HDAC8: variants seen among roughly 807,000 people sequenced by gnomAD.
The protein encoded by HDAC8 is histone deacetylase 8, also known as histone deacetylase-like 1.
In HDAC8, 1 loss-of-function variant was observed where a neutral mutation model predicts 32.2. That is an observed-to-expected ratio of 0.03 (90% confidence interval 0.01 to 0.15). The LOEUF is 0.15. Among genes scored for constraint, HDAC8 ranks in the 10% least tolerant of loss-of-function variants. The pLI is 1.00. For synonymous variants in HDAC8, 108 were observed against 113.9 expected (o/e 0.95, Z 0.33); for missense variants, 117 against 300.0 (o/e 0.39, Z 4.51).
intron 9 of HDAC8, among the ~76,000 whole-genome samples, chrX:72,458,075 C>T (rs1282773296): frequency 8.9e-6 from 1 of 111,965 alleles, no homozygotes; most frequent in African/African-American, 3.2e-5. Flanking sequence ...GACTATAGAA[C>T]ATTTTTATAC....
intron 4 of HDAC8, among the ~76,000 whole-genome samples, chrX:72,499,852 T>G (rs993987239): frequency 1.8e-5 from 2 of 111,482 alleles, no homozygotes; most frequent in Non-Finnish European, 3.8e-5. Flanking sequence ...AAAGTTAGAT[T>G]TTTGAAAAAA....
intron 6 of HDAC8, among the ~76,000 whole-genome samples, chrX:72,490,495 T>G (rs2048830267): frequency 9.5e-6 from 1 of 105,618 alleles, no homozygotes; most frequent in Admixed American, 1.0e-4. Context: ...CAGTAAACTA[T>G]CGCGAGAACA....
intron 9 of HDAC8, among the ~76,000 whole-genome samples, chrX:72,374,903 C>T (rs1442653921): frequency 9.3e-6 from 1 of 107,789 alleles, no homozygotes; most frequent in Admixed American, 1.0e-4. Flanking sequence ...ACCTCCTGGG[C>T]TCAAACAGTT....
At chrX:72,366,337 G>A (rs893302260) in intron 9 of HDAC8, among the ~76,000 whole-genome samples, 35 of 111,886 alleles carry the variant, frequency 3.1e-4, no homozygotes, top group African/African-American at 1.1e-3. Context: ...CCACGACCTG[G>A]GCTACGGCCC....
intron 9 of HDAC8, among the ~76,000 whole-genome samples, chrX:72,435,081 C>A (rs781881575): frequency 8.9e-6 from 1 of 112,329 alleles, no homozygotes; most frequent in South Asian, 3.7e-4. Context: ...AACAGTAAGT[C>A]TTGACTTCTG....
chrX:72,500,755 T>C (rs1361811780), intron 4 of HDAC8, among the ~76,000 whole-genome samples: 1 of 111,927 alleles, frequency 8.9e-6, no homozygotes, highest in Non-Finnish European at 1.9e-5. Context: ...TTCAACATAG[T>C]ATTGGAAGTC....
chrX:72,436,635 A>G (rs782129291), intron 9 of HDAC8, among the ~76,000 whole-genome samples: 1 of 111,348 alleles, frequency 9.0e-6, no homozygotes, highest in South Asian at 3.9e-4. Context: ...TCAGGAAGGA[A>G]GGAAGGAAGG....
At chrX:72,545,395 T>A (rs782163084) in intron 4 of HDAC8, among the ~76,000 whole-genome samples, 1 of 112,559 alleles carries the variant, frequency 8.9e-6, no homozygotes, top group African/African-American at 3.2e-5. Flanking sequence ...GCCAGGCTCT[T>A]GCTAAGCTCT....
chrX:72,436,969 A>T (rs181142029), intron 9 of HDAC8, among the ~76,000 whole-genome samples: 1 of 112,468 alleles, frequency 8.9e-6, no homozygotes, highest in East Asian at 2.8e-4. Flanking sequence ...ATAGATAAAT[A>T]AAAAATAAAA....
At chrX:72,451,636 A>G (rs184130454) in intron 9 of HDAC8, among the ~76,000 whole-genome samples, 14 of 113,080 alleles carry the variant, frequency 1.2e-4, no homozygotes, top group Admixed American at 1.9e-4. Context: ...AAAAACTGTA[A>G]ATGTAGAATT....
chrX:72,560,970 A>T (rs1189333149), intron 4 of HDAC8, among the ~76,000 whole-genome samples: 4 of 111,863 alleles, frequency 3.6e-5, no homozygotes, highest in African/African-American at 9.7e-5. Context: ...ATAAAAATAA[A>T]AAAAAAAGAA....
chrX:72,381,854 T>C (rs2045273701), intron 9 of HDAC8, among the ~76,000 whole-genome samples: 1 of 112,221 alleles, frequency 8.9e-6, no homozygotes, highest in African/African-American at 3.2e-5. Flanking sequence ...CCAGTCCTTG[T>C]TTCTCTGTGT....
chrX:72,489,679 G>A (rs1444572610), intron 6 of HDAC8, among the ~76,000 whole-genome samples: 4 of 110,632 alleles, frequency 3.6e-5, no homozygotes, highest in African/African-American at 1.3e-4. Flanking sequence ...CACCATTCAG[G>A]ACATAGGCAT....
intron 9 of HDAC8, among the ~76,000 whole-genome samples, chrX:72,456,691 G>A (rs782504408): frequency 6.3e-5 from 7 of 110,845 alleles, no homozygotes; most frequent in African/African-American, 1.6e-4. Flanking sequence ...CTCAGCTACT[G>A]GGGAGGCTGA....
intron 9 of HDAC8, among the ~76,000 whole-genome samples, chrX:72,408,976 G>C (rs1324624958): frequency 1.8e-5 from 2 of 111,733 alleles, no homozygotes; most frequent in African/African-American, 6.5e-5. Context: ...AGAAATATAG[G>C]TATTAGAGAA....
intron 4 of HDAC8, among the ~76,000 whole-genome samples, chrX:72,567,028 C>T (rs1420062187): frequency 8.9e-6 from 1 of 111,888 alleles, no homozygotes; most frequent in Non-Finnish European, 1.9e-5. Context: ...GCCTGTAATT[C>T]CAGCTACTCA....
intron 9 of HDAC8, among the ~76,000 whole-genome samples, chrX:72,398,743 G>GT (rs1259087121): frequency 2.4e-4 from 26 of 106,569 alleles, no homozygotes; most frequent in African/African-American, 5.1e-4. Flanking sequence ...TCACTTTAGG[G>GT]TTTTTTTTTC....
intron 4 of HDAC8, among the ~76,000 whole-genome samples, chrX:72,528,265 C>T (rs1199018156): frequency 9.0e-6 from 1 of 111,495 alleles, no homozygotes; most frequent in Non-Finnish European, 1.9e-5. Context: ...GCCAGCCCTA[C>T]AAGAGATGCT....
intron 9 of HDAC8, among the ~76,000 whole-genome samples, chrX:72,385,512 A>T (rs2045401132): frequency 9.0e-6 from 1 of 111,368 alleles, no homozygotes; most frequent in South Asian, 3.8e-4. Context: ...CTTGGAAAAT[A>T]AAAAAGCACA....
Sources: allele counts gnomAD v4.1 joint callset (sites outside exome capture counted in the v4.1 genomes callset), GRCh38; gene constraint gnomAD v4.1.1; transcripts MANE v1.5; gene names NCBI Gene and HGNC (gene_info 2026-07-23, HGNC 2026-07-21).